The following RFX1 variants were observed in gnomAD, a reference collection of about 807,000 sequenced individuals.
RFX1 encodes MHC class II regulatory factor RFX1.
Under a neutral mutation model 119.6 loss-of-function variants are expected in RFX1, and 42 were observed. That is an observed-to-expected ratio of 0.35 (90% confidence interval 0.27 to 0.45). RFX1 has a LOEUF of 0.45. Ranked by LOEUF, RFX1 falls within the 20% of genes least tolerant of loss-of-function variation. RFX1 has a pLI of 1.00. For synonymous variants in RFX1, 628 were observed against 618.5 expected, an observed-to-expected ratio of 1.02 and a Z score of -0.23; for missense variants, 1,118 against 1,368.1, an observed-to-expected ratio of 0.82 and a Z score of 2.88.
chr19:13,965,920 G>A lies in RFX1; in HGVS notation c.1962-143C>T, dbSNP rs1167263123. The A allele has an allele frequency of 1.5e-5, 15 of 994,560 alleles. No individual in the cohort carries two copies. In the Admixed American group the frequency reaches 2.2e-4, roughly 14 times the overall value. 61.6% of individuals were successfully genotyped at this position (994,560 alleles called of 1,614,324 possible). ...CTACCCCCAGCATCAGAAGGCACAG[G>A]TACCCCCTTACCCCCACTCCAGGGT... is the stretch of plus-strand genomic sequence containing the variant. On this transcript the variant is annotated intron_variant, in intron 14 of 20. Transcript: ENST00000254325. The surrounding 1 kb of genome is among the most constrained non-coding windows in gnomAD (Gnocchi z 4.7).
At chr19:13,983,737 C>G in intron 2 of RFX1, 142 bp from the exon 3 acceptor site, 1 of 681,928 alleles carries the variant, frequency 1.5e-6, no homozygotes, top group East Asian at 2.7e-5. Context: ...TTCCCCCTGG[C>G]CAGCCCTGAC....
intron 7 of RFX1, among the ~76,000 whole-genome samples, chr19:13,978,901 C>A (rs1974341197): frequency 6.6e-6 from 1 of 152,022 alleles, no homozygotes; most frequent in Non-Finnish European, 1.5e-5. Flanking sequence ...GGGCAGCACG[C>A]CCACCAGCTC....
rs2145583944 is a variant in RFX1 at position 13,980,300 on chromosome 19, G to C, written c.738+273C>G. 6.6e-6 allele frequency among the ~76,000 whole-genome samples: 1 copy of C among 152,298 alleles called. No individual in the cohort carries two copies. Among genetic ancestry groups the C allele is most frequent in the African/African-American group, 2.4e-5 (1 of 41,564 alleles). On this transcript the variant is annotated intron_variant, in intron 6 of 20. Coordinates refer to ENST00000254325, the MANE Select transcript of RFX1 (RefSeq NM_002918.5). This position sits in a 1 kb window ranked among gnomAD's most constrained non-coding sequence, Gnocchi z 5.1. ...AGGCAAATGGGCCCAAAGAGGCTCA[G>C]GTGGCTTCTCCAAGCGGTTCCCATG...
chr19:13,963,752 G>A lies in RFX1; in HGVS notation c.2362-6C>T. 1.3e-6 allele frequency: 2 copies of A among 1,570,502 alleles called. No homozygotes were observed. Among genetic ancestry groups the A allele is most frequent in the Non-Finnish European group, 8.6e-7 (1 of 1,160,070 alleles). Reference sequence around the variant, plus strand: ...CACACCCACGAGGCCTGCTCCTGGGGCACAGAGGGTGGGCGGGCGCCCGGG... The same window carrying A: ...CACACCCACGAGGCCTGCTCCTGGGACACAGAGGGTGGGCGGGCGCCCGGG... On this transcript the variant is annotated splice_polypyrimidine_tract_variant and splice_region_variant and intron_variant, in intron 17 of 20. Transcript: ENST00000254325.
intron 1 of RFX1, among the ~76,000 whole-genome samples, chr19:13,999,537 T>C (rs1975143259): frequency 6.6e-6 from 1 of 152,238 alleles, no homozygotes; most frequent in South Asian, 2.1e-4. Context: ...AGATTTGAAC[T>C]TCATGTAATT....
chr19:13,984,914 C>T (rs1974545304), intron 2 of RFX1, among the ~76,000 whole-genome samples: 1 of 152,140 alleles, frequency 6.6e-6, no homozygotes, highest in African/African-American at 2.4e-5. Flanking sequence ...GGCTGGAGTG[C>T]AGTAGCACGA....
At chr19:13,974,029 T>C (rs772558318) in intron 8 of RFX1, among the ~76,000 whole-genome samples, 3 of 151,954 alleles carry the variant, frequency 2.0e-5, no homozygotes, top group Admixed American at 6.6e-5. Context: ...TGGCAAGTAC[T>C]TCGAGTGCCT....
chr19:13,983,466 CT>C lies in RFX1; in HGVS notation c.429+19del, dbSNP rs1974496174. 1.9e-6 allele frequency: 3 copies of C among 1,568,182 alleles called. No homozygotes were observed. Among genetic ancestry groups the C allele is most frequent in the South Asian group, 2.3e-5 (2 of 87,332 alleles). On this transcript the variant is annotated intron_variant, in intron 3 of 20. Transcript: ENST00000254325. ...CCCCTCCCGGGCCCTCCCCCACCCC[CT>C]GGGAGGGCCACATCCTACCTGCTGG...
Position 13,984,922 on chromosome 19 carries a change from C to T in RFX1, c.320-1327G>A, listed in dbSNP as rs571226415. On this transcript the variant is annotated intron_variant, in intron 2 of 20. Coordinates refer to ENST00000254325, the MANE Select transcript of RFX1 (RefSeq NM_002918.5). The stretch of plus-strand genomic sequence containing the variant: ...TCACCCAGGCTGGAGTGCAGTAGCA[C>T]GATCTTGGCTCACTGCAACCTCTGT... Among the ~76,000 whole-genome samples, 912 of 152,228 alleles carry T rather than the reference C, an allele frequency of 6.0e-3. 6 individuals carry two copies. The highest frequency in any genetic ancestry group is 9.4e-3 in the Non-Finnish European group (637 of 68,014).
chr19:14,005,211 C>A (rs527971765), intron 1 of RFX1, among the ~76,000 whole-genome samples: 22 of 152,302 alleles, frequency 1.4e-4, no homozygotes, highest in African/African-American at 4.8e-4. Flanking sequence ...GAAAAGCACT[C>A]AGGTTTCTGT....
At chr19:13,974,223 G>A (rs2145566922) in intron 8 of RFX1, among the ~76,000 whole-genome samples, 1 of 152,272 alleles carries the variant, frequency 6.6e-6, no homozygotes, top group South Asian at 2.1e-4. Flanking sequence ...GGCTAGAGAA[G>A]GCGATGCTGT....
chr19:13,980,451 C>T lies in RFX1; in HGVS notation c.738+122G>A. On this transcript the variant is annotated intron_variant, in intron 6 of 20. Transcript: ENST00000254325. This position sits in a 1 kb window ranked among gnomAD's most constrained non-coding sequence, Gnocchi z 5.1. ...AGATGCTTATCAAAGGCCAGGGTGG[C>T]AGGCTGGGGCTGGACCCACATGGGC... 1 of 613,374 alleles carries T rather than the reference C, an allele frequency of 1.6e-6. No homozygotes were observed. Among genetic ancestry groups the T allele is most frequent in the South Asian group, 2.0e-5 (1 of 50,548 alleles). The allele number at this position is 613,374 out of a possible 1,614,324, so 38.0% of individuals were successfully genotyped here.
rs1398800097 is a variant in RFX1 at position 13,962,620 on chromosome 19, A to G, written c.*75T>C. 3.3e-6 allele frequency: 4 copies of G among 1,230,598 alleles called. No individual in the cohort carries two copies. In the Admixed American group the frequency reaches 8.5e-5, roughly 26 times the overall value. The allele number at this position is 1,230,598 out of a possible 1,614,324, so 76.2% of individuals were successfully genotyped here. ...CCTGGCTGAGGCTGGAGCAGTGACC[A>G]CGAAGCCACAGAAGCTTTGAGGGAC... On this transcript the variant is annotated 3_prime_UTR_variant, in exon 21 of 21. Coordinates refer to ENST00000254325, the MANE Select transcript of RFX1 (RefSeq NM_002918.5).
In RFX1 at chr19:13,983,000, C is replaced by A. The variant is rs1599497715; in HGVS notation, c.513+187G>T. On this transcript the variant is annotated intron_variant, in intron 4 of 20. Coordinates refer to ENST00000254325, the MANE Select transcript of RFX1 (RefSeq NM_002918.5). ...GAGATGGCTCCTGCAGCTCCTCTGT[C>A]CCTGATGGCCCCTGCCGGATAGTCT... The A allele has an allele frequency of 2.2e-5, 13 of 581,208 alleles. No individual in the cohort carries two copies. The East Asian group carries it at 3.8e-4, about 17-fold the overall frequency. 36.0% of individuals were successfully genotyped at this position (581,208 alleles called of 1,614,324 possible). A position where few individuals can be genotyped will look rare whatever the true frequency, so the allele number is the denominator to read the frequency against.
At chr19:13,979,638 A>T (rs1312328414) in intron 6 of RFX1, 96 bp from the exon 7 acceptor site, 7 of 752,452 alleles carry the variant, frequency 9.3e-6, no homozygotes, top group African/African-American at 1.8e-5. Context: ...AGCTCACAGC[A>T]GACCCATAAG....
chr19:13,962,731 C>A lies in RFX1; in HGVS notation c.2904G>T (p.Ala968=). 1.3e-6 allele frequency: 2 copies of A among 1,530,324 alleles called. No homozygotes were observed. The highest frequency in any genetic ancestry group is 1.2e-5 in the South Asian group (1 of 83,626). 94.8% of individuals were successfully genotyped at this position (1,530,324 alleles called of 1,614,324 possible). A position where few individuals can be genotyped will look rare whatever the true frequency, so the allele number is the denominator to read the frequency against. ...GCAGCGCCTGCACGAAGAGGCCGCGCGCGTCAGTCCGCGCCAGCTTGGCCG... is the reference window on the plus strand; with the variant it reads ...GCAGCGCCTGCACGAAGAGGCCGCGAGCGTCAGTCCGCGCCAGCTTGGCCG... ...EPPAKLARTD[A]RGLFVQALPS... is the part of the protein sequence containing the mutation. Residue 968 remains alanine (A), a synonymous_variant, in exon 21 of 21, where the codon GCG becomes GCT. Coordinates refer to ENST00000254325, the MANE Select transcript of RFX1 (RefSeq NM_002918.5).
rs749461046 is a variant in RFX1, at chr19:13,978,023, C to T, written c.898G>A (p.Gly300Ser). The T allele has an allele frequency of 1.9e-6, 3 of 1,613,678 alleles. No homozygotes were observed. The highest frequency in any genetic ancestry group is 1.1e-5 in the South Asian group (1 of 91,072). ...CTGGCCGTGTAGCTGGCATCGCCGCCCTCCACATACTGCACCTGGCTGGAG... is the reference window on the plus strand; with the variant it reads ...CTGGCCGTGTAGCTGGCATCGCCGCTCTCCACATACTGCACCTGGCTGGAG... ...VYSSQVQYVEGGDASYTASAI... is the reference protein window; with the variant it reads ...VYSSQVQYVESGDASYTASAI... The change falls in exon 8 of 21, where the codon GGC becomes AGC. Residue 300 changes from glycine to serine, a missense_variant. Coordinates refer to ENST00000254325, the MANE Select transcript of RFX1 (RefSeq NM_002918.5).
chr19:13,962,021 C>T lies in RFX1; in HGVS notation c.*674G>A, dbSNP rs1178569319. 2.6e-5 allele frequency: 4 copies of T among 152,234 alleles called. No individual in the cohort carries two copies. In the East Asian group the frequency reaches 7.7e-4, roughly 29 times the overall value. 9.4% of individuals were successfully genotyped at this position (152,234 alleles called of 1,614,324 possible). ...TGGGGTCTGTGGGCACTCCCCGGCT[C>T]CGCGGCTCGCTGCTCTTTGGAAGCT... On this transcript the variant is annotated 3_prime_UTR_variant, in exon 21 of 21. Coordinates refer to ENST00000254325, the MANE Select transcript of RFX1 (RefSeq NM_002918.5).
chr19:13,966,293 A>T lies in RFX1; in HGVS notation c.1961+128T>A, dbSNP rs1973894422. 3 of 624,706 alleles carry T rather than the reference A, an allele frequency of 4.8e-6. No individual in the cohort carries two copies. The highest frequency in any genetic ancestry group is 8.5e-6 in the Non-Finnish European group (3 of 351,710). 38.7% of individuals were successfully genotyped at this position (624,706 alleles called of 1,614,324 possible). On this transcript the variant is annotated intron_variant, in intron 14 of 20. Transcript: ENST00000254325. This position sits in a 1 kb window ranked among gnomAD's most constrained non-coding sequence, Gnocchi z 6.3. ...TCGGGTGGCTATACACACTCCACAC[A>T]GCCAAGGATATGTGTACCCCACAAA... is the stretch of plus-strand genomic sequence containing the variant.
Sources: gnomAD v4.1 joint callset for allele counts (sites outside exome capture counted in the v4.1 genomes callset) on GRCh38, gnomAD v4.1.1 for gene constraint, Gnocchi (gnomAD v3.1) non-coding constraint, MANE v1.5 for transcripts, NCBI Gene and HGNC (gene_info 2026-07-23, HGNC 2026-07-21) for gene names.